Variants in TGFBRAP1 observed in about 807,000 individuals in gnomAD.
TGFBRAP1 encodes transforming growth factor beta receptor associated protein 1.
Under a neutral mutation model 83.2 loss-of-function variants are expected in TGFBRAP1, and 20 were observed. The ratio of observed to expected loss-of-function variants is 0.24; its 90% CI spans 0.17 to 0.35. TGFBRAP1 has a LOEUF of 0.35. Among genes scored for constraint, TGFBRAP1 ranks in the 10% least tolerant of loss-of-function variants. TGFBRAP1 has a pLI of 1.00. For missense variants in TGFBRAP1, 950 were observed against 1,099.4 expected, an observed-to-expected ratio of 0.86 and a Z score of 1.92; for synonymous variants, 415 against 459.8, an observed-to-expected ratio of 0.90 and a Z score of 1.25.
At position 105,303,828 on chromosome 2, in the gene TGFBRAP1, C is replaced by T. The variant is rs78435957; in HGVS notation, c.688+3786G>A. Among the ~76,000 whole-genome samples, 1,241 of 152,210 alleles carry T rather than the reference C, an allele frequency of 8.2e-3. 19 individuals are homozygous for T. Among genetic ancestry groups the T allele is most frequent in the African/African-American group, 0.029 (1,195 of 41,530 alleles). On this transcript the variant is annotated intron_variant, in intron 2 of 11. Coordinates refer to ENST00000393359, the MANE Select transcript of TGFBRAP1 (RefSeq NM_004257.6). ...GAAGAAAACACAGAGGTCAGAGAGG[C>T]ATGTTAAACAATACTATGGGAATGA... is the stretch of plus-strand genomic sequence containing the variant.
At chr2:105,287,121 C>T (rs1677745092) in intron 4 of TGFBRAP1, among the ~76,000 whole-genome samples, 1 of 151,942 alleles carries the variant, frequency 6.6e-6, no homozygotes, top group African/African-American at 2.4e-5. Flanking sequence ...GTATGATTCC[C>T]CGGATGCGAG....
intron 2 of TGFBRAP1, among the ~76,000 whole-genome samples, chr2:105,301,865 T>C (rs1678306062): frequency 6.6e-6 from 1 of 152,084 alleles, no homozygotes; most frequent in African/African-American, 2.4e-5. Context: ...CAGCTTCCTG[T>C]GGCTGGGACC....
rs143719051 is a variant in TGFBRAP1 at position 105,315,905 on chromosome 2, C to T, written c.-17-7587G>A. 6.1e-3 allele frequency among the ~76,000 whole-genome samples: 928 copies of T among 152,252 alleles called. 14 individuals are homozygous for T. The highest frequency in any genetic ancestry group is 0.021 in the African/African-American group (884 of 41,550). The stretch of plus-strand genomic sequence containing the variant: ...AGACCTGTATAAGATATGAGATATG[C>T]ACAGCAAGCTTATTCATATTACCCA... On this transcript the variant is annotated intron_variant, in intron 1 of 11. Transcript: ENST00000393359.
intron 8 of TGFBRAP1, among the ~76,000 whole-genome samples, chr2:105,275,244 G>A (rs1677296959): frequency 6.6e-6 from 1 of 152,210 alleles, no homozygotes; most frequent in Non-Finnish European, 1.5e-5. Context: ...GGGTCGAGGA[G>A]CGGGGTTCAC....
chr2:105,305,322 C>T lies in TGFBRAP1; in HGVS notation c.688+2292G>A, dbSNP rs78114218. On this transcript the variant is annotated intron_variant, in intron 2 of 11. Coordinates refer to ENST00000393359, the MANE Select transcript of TGFBRAP1 (RefSeq NM_004257.6). ...TTGAAATGAGGTGACTATACAAAAA[C>T]TTGCCAAGGATAAAAAATACCAGTG... 1.8e-3 allele frequency among the ~76,000 whole-genome samples: 272 copies of T among 152,310 alleles called. 8 individuals carry two copies. The East Asian group carries it at 0.038, about 21-fold the overall frequency.
chr2:105,303,004 G>A (rs926325252), intron 2 of TGFBRAP1, among the ~76,000 whole-genome samples: 1 of 152,216 alleles, frequency 6.6e-6, no homozygotes, highest in Non-Finnish European at 1.5e-5. Context: ...TGTATGTACT[G>A]TGGGATAAAT....
the TGFBRAP1 span, among the ~76,000 whole-genome samples, chr2:105,254,509 C>T: frequency 6.6e-5 from 10 of 151,932 alleles, no homozygotes; most frequent in African/African-American, 1.7e-4. Flanking sequence ...ATAAAAGAAA[C>T]AATTATTGAA....
intron 4 of TGFBRAP1, among the ~76,000 whole-genome samples, chr2:105,284,673 G>A (rs1677654793): frequency 6.6e-6 from 1 of 152,104 alleles, no homozygotes; most frequent in Admixed American, 6.5e-5. Flanking sequence ...TGTGATTGCT[G>A]AGATGGATAT....
chr2:105,259,935 A>G (rs1000153035), downstream of TGFBRAP1, among the ~76,000 whole-genome samples: 1 of 152,232 alleles, frequency 6.6e-6, no homozygotes, highest in Non-Finnish European at 1.5e-5. Context: ...GATTAGGACA[A>G]TAAGCAGACG....
chr2:105,307,306 C>T (rs1678534747), intron 2 of TGFBRAP1, among the ~76,000 whole-genome samples: 1 of 152,162 alleles, frequency 6.6e-6, no homozygotes, highest in Non-Finnish European at 1.5e-5. Flanking sequence ...TGTCTCTTGG[C>T]CAAAATCTTT....
rs1460651550 is a variant in TGFBRAP1, at chr2:105,307,606, C to T, written c.688+8G>A. On this transcript the variant is annotated splice_region_variant and intron_variant, in intron 2 of 11. Coordinates refer to ENST00000393359, the MANE Select transcript of TGFBRAP1 (RefSeq NM_004257.6). ...AAAAGATCAGGCGCACAAATGCATC[C>T]TCCTCACCCAGCCCTCCGGGGCCCG... 2 of 1,598,744 alleles carry T rather than the reference C, an allele frequency of 1.3e-6. No individual in the cohort carries two copies. Among genetic ancestry groups the T allele is most frequent in the East Asian group, 2.2e-5 (1 of 44,804 alleles).
chr2:105,312,371 A>T (rs1230648347), intron 1 of TGFBRAP1, among the ~76,000 whole-genome samples: 1 of 152,226 alleles, frequency 6.6e-6, no homozygotes, highest in East Asian at 1.9e-4. Flanking sequence ...TTAAAAGATC[A>T]ACATTTTAAT....
chr2:105,273,009 T>A lies in TGFBRAP1; in HGVS notation c.1818A>T (p.Glu606Asp). ...GCACAGCTAAGTGGGTGTGATACTC[T>A]TCTTTCTGCAGGAAACAGGGGGAGC... ...HLVIDKRLQK[E>D]EYHTHLAVLY... The change falls in exon 10 of 12, where the codon GAA becomes GAT. Residue 606 changes from glutamate (E) to aspartate (D), a missense_variant. Physicochemically the swap from Glu to Asp is conservative, Grantham distance 45. Transcript: ENST00000393359. 1 of 1,609,728 alleles carries A rather than the reference T, an allele frequency of 6.2e-7. No individual in the cohort carries two copies. Among genetic ancestry groups the A allele is most frequent in the African/African-American group, 1.3e-5 (1 of 74,606 alleles).
chr2:105,274,215 A>G (rs977487555), intron 8 of TGFBRAP1, among the ~76,000 whole-genome samples: 7 of 152,206 alleles, frequency 4.6e-5, no homozygotes, highest in African/African-American at 9.6e-5. Flanking sequence ...GTCCCTGAGT[A>G]AGTTTCCGGG....
At chr2:105,324,676 CCT>C (rs2104423879) in intron 1 of TGFBRAP1, among the ~76,000 whole-genome samples, 1 of 152,202 alleles carries the variant, frequency 6.6e-6, no homozygotes, top group East Asian at 1.9e-4. Context: ...GAGTCTTTCC[CCT>C]GACAGAGGGG....
At chr2:105,286,872 T>C (rs1044212106) in intron 4 of TGFBRAP1, among the ~76,000 whole-genome samples, 2 of 152,210 alleles carry the variant, frequency 1.3e-5, no homozygotes, top group Non-Finnish European at 2.9e-5. Flanking sequence ...CAAGGCTGCA[T>C]TGTCCAAGTT....
intron 1 of TGFBRAP1, among the ~76,000 whole-genome samples, chr2:105,311,292 G>A (rs1206296601): frequency 6.6e-6 from 1 of 152,006 alleles, no homozygotes; most frequent in Admixed American, 6.5e-5. Context: ...CCTATTATAG[G>A]CCTTTAAATT....
At chr2:105,320,941 CT>C (rs1216570152) in intron 1 of TGFBRAP1, among the ~76,000 whole-genome samples, 1 of 152,236 alleles carries the variant, frequency 6.6e-6, no homozygotes, top group Non-Finnish European at 1.5e-5. Flanking sequence ...GGAAAACACA[CT>C]GCCTCCTTCT....
chr2:105,262,185 C>T (rs900998898), downstream of TGFBRAP1, among the ~76,000 whole-genome samples: 3 of 152,162 alleles, frequency 2.0e-5, no homozygotes, highest in African/African-American at 4.8e-5. Context: ...GGTTTGGATG[C>T]GTGTCGCCCT....
Sources: allele counts gnomAD v4.1 joint callset (sites outside exome capture counted in the v4.1 genomes callset), GRCh38; gene constraint gnomAD v4.1.1; transcripts MANE v1.5; gene names NCBI Gene and HGNC (gene_info 2026-07-23, HGNC 2026-07-21).